SRPK1: variants seen among roughly 807,000 people sequenced by gnomAD.
The protein encoded by SRPK1 is SRSF protein kinase 1, also known as SFRS protein kinase 1.
SRPK1 carries 52 observed loss-of-function variants against 89.5 expected under a neutral mutation model. That is an observed-to-expected ratio of 0.58 (90% confidence interval 0.46 to 0.73). The LOEUF (loss-of-function observed/expected upper bound fraction) is 0.73, where lower values mean the gene tolerates loss of function less well. Among genes scored for constraint, SRPK1 ranks in the 30% least tolerant of loss-of-function variants. The probability of loss-of-function intolerance (pLI) is 0.00; values close to 1 mark genes in which losing one functional copy is unlikely to be tolerated. For synonymous variants in SRPK1, 255 were observed against 270.2 expected (o/e 0.94, Z 0.55); for missense variants, 603 against 780.6 (o/e 0.77, Z 2.71).
chr6:35,879,166 GA>G (rs1770221417), intron 6 of SRPK1, among the ~76,000 whole-genome samples: 1 of 152,174 alleles, frequency 6.6e-6, no homozygotes, highest in Admixed American at 6.5e-5. Flanking sequence ...GCATGCCCAG[GA>G]AAAGATGCAG....
rs754037534 is a variant in SRPK1, at chr6:35,903,970, A to AT, written c.75-12958dup. On this transcript the variant is annotated intron_variant, in intron 2 of 15. Transcript: ENST00000373825. Reference sequence around the variant, plus strand: ...TAGCGTGCATCACAACACCCAGCGAATTTTTTTTTTTTTTTTAAAGACAGG... The same window carrying AT: ...TAGCGTGCATCACAACACCCAGCGAATTTTTTTTTTTTTTTTTAAAGACAGG... Among the ~76,000 whole-genome samples, 296 of 143,388 alleles carry AT rather than the reference A, an allele frequency of 2.1e-3. 1 individual carries two copies. The highest frequency in any genetic ancestry group is 7.4e-3 in the Middle Eastern group (2 of 272). 94.1% of individuals were successfully genotyped at this position (143,388 alleles called of 152,430 possible).
At chr6:35,916,230 A>T (rs980912294) in intron 2 of SRPK1, among the ~76,000 whole-genome samples, 2 of 147,374 alleles carry the variant, frequency 1.4e-5, no homozygotes, top group African/African-American at 5.2e-5. Flanking sequence ...TGCCTCAAAT[A>T]AATAAATAAA....
intron 2 of SRPK1, among the ~76,000 whole-genome samples, chr6:35,919,080 C>T (rs1424938165): frequency 1.3e-5 from 2 of 152,178 alleles, no homozygotes; most frequent in Non-Finnish European, 2.9e-5. Context: ...CATTTCAAGT[C>T]CTACTGCACA....
chr6:35,864,869 G>T (rs574737540), intron 12 of SRPK1, among the ~76,000 whole-genome samples: 2 of 152,244 alleles, frequency 1.3e-5, no homozygotes, highest in African/African-American at 4.8e-5. Context: ...AAAAGAATGG[G>T]ATCCTGTCAT....
intron 11 of SRPK1, 24 bp from the exon 12 acceptor site, chr6:35,869,134 T>G: frequency 6.4e-7 from 1 of 1,567,874 alleles, no homozygotes; most frequent in Non-Finnish European, 8.8e-7. Context: ...GCATCATCAA[T>G]AAGACTGTTC....
intron 13 of SRPK1, among the ~76,000 whole-genome samples, chr6:35,848,151 T>C (rs1769464990): frequency 6.6e-6 from 1 of 152,218 alleles, no homozygotes; most frequent in African/African-American, 2.4e-5. Flanking sequence ...TCAGATTCAA[T>C]GCAATTCCTA....
chr6:35,911,534 G>A (rs1414275644), intron 2 of SRPK1, among the ~76,000 whole-genome samples: 1 of 151,956 alleles, frequency 6.6e-6, no homozygotes. Flanking sequence ...GGGCAACATG[G>A]TGAGACCCTG....
At chr6:35,866,727 G>A (rs1207745655) in intron 12 of SRPK1, among the ~76,000 whole-genome samples, 1 of 152,158 alleles carries the variant, frequency 6.6e-6, no homozygotes, top group African/African-American at 2.4e-5. Context: ...ACCTATACTT[G>A]TATGTTTATC....
At chr6:35,871,727 G>A (rs1190456271) in intron 8 of SRPK1, among the ~76,000 whole-genome samples, 1 of 152,006 alleles carries the variant, frequency 6.6e-6, no homozygotes, top group African/African-American at 2.4e-5. Flanking sequence ...AAATCATAAA[G>A]CAGCCTTTAT....
intron 12 of SRPK1, among the ~76,000 whole-genome samples, chr6:35,858,508 C>T (rs1458099968): frequency 1.3e-5 from 2 of 152,116 alleles, no homozygotes; most frequent in African/African-American, 4.8e-5. Context: ...GATCAAGAAT[C>T]AGAATGGCAT....
chr6:35,866,833 C>A (rs1295042079), intron 12 of SRPK1, among the ~76,000 whole-genome samples: 1 of 151,996 alleles, frequency 6.6e-6, no homozygotes, highest in Non-Finnish European at 1.5e-5. Context: ...ACTATTCAGC[C>A]ATAAAAAAGA....
At chr6:35,876,840 C>G (rs958291890) in intron 6 of SRPK1, among the ~76,000 whole-genome samples, 1 of 152,140 alleles carries the variant, frequency 6.6e-6, no homozygotes, top group African/African-American at 2.4e-5. Context: ...CCTGGGATTG[C>G]CCCATCTTAT....
chr6:35,871,101 T>A, intron 8 of SRPK1, 142 bp from the exon 9 acceptor site: 1 of 475,438 alleles, frequency 2.1e-6, no homozygotes, highest in Non-Finnish European at 3.6e-6. Flanking sequence ...TTTAAATGAC[T>A]TAAGTAGAAG....
rs1312104213 is a variant in SRPK1, at chr6:35,835,285, T to C, written c.*19A>G. 2 of 1,607,840 alleles carry C rather than the reference T, an allele frequency of 1.2e-6. No individual in the cohort carries two copies. Among genetic ancestry groups the C allele is most frequent in the East Asian group, 2.2e-5 (1 of 44,794 alleles). On this transcript the variant is annotated 3_prime_UTR_variant, in exon 16 of 16. Coordinates refer to ENST00000373825, the MANE Select transcript of SRPK1 (RefSeq NM_003137.5). ...CGGAGGGTCAGTGTGTGATCTCTGC[T>C]GTGGTGCTGGGCAGGGGCTTAGGAG...
intron 13 of SRPK1, among the ~76,000 whole-genome samples, chr6:35,845,534 A>C (rs112309217): frequency 0.016 from 2,426 of 152,334 alleles, 26 homozygotes; most frequent in Middle Eastern, 0.037. Context: ...AATGCATGGA[A>C]AAGTTAAAAC....
At chr6:35,892,717 A>AAACAG (rs1770549830) in intron 2 of SRPK1, among the ~76,000 whole-genome samples, 1 of 152,028 alleles carries the variant, frequency 6.6e-6, no homozygotes. Flanking sequence ...AAACAAAACA[A>AAACAG]AAAGGCAGGG....
At chr6:35,884,520 C>T (rs1770363268) in intron 6 of SRPK1, among the ~76,000 whole-genome samples, 1 of 152,140 alleles carries the variant, frequency 6.6e-6, no homozygotes, top group Admixed American at 6.5e-5. Context: ...CATTACTAAC[C>T]CTTAACATAG....
intron 14 of SRPK1, among the ~76,000 whole-genome samples, chr6:35,841,512 C>A (rs9470126): frequency 0.31 from 47,863 of 151,982 alleles, 7,767 homozygotes; most frequent in South Asian, 0.42. Context: ...AATCCTACAA[C>A]TAAAACATAA....
chr6:35,885,302 G>C (rs200623470), intron 6 of SRPK1, among the ~76,000 whole-genome samples: 17,648 of 85,300 alleles, frequency 0.21, 1,187 homozygotes, highest in South Asian at 0.32. Context: ...CACACACAGA[G>C]AGAGAGAGAG....
Sources: allele counts gnomAD v4.1 joint callset (sites outside exome capture counted in the v4.1 genomes callset), GRCh38; gene constraint gnomAD v4.1.1; transcripts MANE v1.5; gene names NCBI Gene and HGNC (gene_info 2026-07-23, HGNC 2026-07-21).